Variants in DEUP1 observed in about 807,000 individuals in gnomAD.
DEUP1 encodes deuterosome assembly protein 1.
A neutral mutation model predicts 87.4 loss-of-function variants in DEUP1; 82 were observed. The ratio of observed to expected loss-of-function variants is 0.94; its 90% confidence interval spans 0.78 to 1.13. The LOEUF is 1.13. DEUP1 is among the 50% of genes most tolerant of loss of function. The pLI, the probability that DEUP1 is intolerant of heterozygous loss-of-function variation, is 0.00. For missense variants in DEUP1, 663 were observed against 681.5 expected, an observed-to-expected ratio of 0.97 and a Z score of 0.30; for synonymous variants, 214 against 222.7, an observed-to-expected ratio of 0.96 and a Z score of 0.35.
At chr11:93,382,597 T>C (rs1049575466) in intron 7 of DEUP1, among the ~76,000 whole-genome samples, 5 of 152,162 alleles carry the variant, frequency 3.3e-5, no homozygotes, top group African/African-American at 4.8e-5. Flanking sequence ...ACACTATATT[T>C]TATAGGCCTA....
At chr11:93,409,470 A>G (rs1440629893) in intron 12 of DEUP1, among the ~76,000 whole-genome samples, 2 of 152,218 alleles carry the variant, frequency 1.3e-5, no homozygotes, top group African/African-American at 4.8e-5. Context: ...TATTTTATAC[A>G]ATATTTCTCA....
chr11:93,355,602 A>G lies in DEUP1; in HGVS notation c.201+60A>G, dbSNP rs1329372158. 9.2e-6 allele frequency: 13 copies of G among 1,406,476 alleles called. No individual in the cohort carries two copies. In the East Asian group the frequency reaches 9.7e-5, roughly 11 times the overall value. The allele number at this position is 1,406,476 out of a possible 1,614,324, so 87.1% of individuals were successfully genotyped here. ...ATCAGACTGTTACATATAGTATTCT[A>G]TCAGAATATGTTTTTATTATACATA... On this transcript the variant is annotated intron_variant, in intron 3 of 13. Transcript: ENST00000298050.
At chr11:93,408,822 ACTTT>A (rs1565341270) in intron 12 of DEUP1, among the ~76,000 whole-genome samples, 1 of 151,950 alleles carries the variant, frequency 6.6e-6, no homozygotes, top group African/African-American at 2.4e-5. Flanking sequence ...TAATAGATAC[ACTTT>A]CTTTTTTTGT....
chr11:93,367,190 A>G (rs1432302229), intron 5 of DEUP1, among the ~76,000 whole-genome samples: 3 of 152,150 alleles, frequency 2.0e-5, no homozygotes, highest in Non-Finnish European at 4.4e-5. Context: ...ATATCAGGTC[A>G]CCCACCTTTC....
rs547557221 is a variant in DEUP1, at chr11:93,432,881, T to C, written c.1639-4662T>C. Among the ~76,000 whole-genome samples the C allele has an allele frequency of 3.9e-5, 6 of 152,324 alleles. No individual in the cohort carries two copies. In the East Asian group the frequency reaches 9.7e-4, roughly 25 times the overall value. On this transcript the variant is annotated intron_variant, in intron 13 of 13. Transcript: ENST00000298050. Reference sequence around the variant, plus strand: ...CAATTAGTAAATAATGCAGTTCTCATTGATGATAGTGTCAAGGACATGCTA... The same window carrying C: ...CAATTAGTAAATAATGCAGTTCTCACTGATGATAGTGTCAAGGACATGCTA...
At chr11:93,407,632 T>C (rs1009714966) in intron 11 of DEUP1, among the ~76,000 whole-genome samples, 1 of 152,126 alleles carries the variant, frequency 6.6e-6, no homozygotes, top group Admixed American at 6.6e-5. Context: ...ATTTATTTTG[T>C]TCTTAATACC....
At chr11:93,360,183 C>A (rs1272064173) in intron 4 of DEUP1, among the ~76,000 whole-genome samples, 1 of 152,156 alleles carries the variant, frequency 6.6e-6, no homozygotes, top group Non-Finnish European at 1.5e-5. Flanking sequence ...AGTGGGGAGC[C>A]TGAACTCCCA....
rs1191259220 is a variant in DEUP1 at position 93,396,280 on chromosome 11, A to C, written c.1281A>C (p.Thr427=). The C allele has an allele frequency of 1.3e-6, 2 of 1,587,710 alleles. No homozygotes were observed. The highest frequency in any genetic ancestry group is 2.7e-5 in the African/African-American group (2 of 74,254). The change falls in exon 11 of 14, where the codon ACA becomes ACC. Residue 427 remains threonine (T), a synonymous_variant. Coordinates refer to ENST00000298050, the MANE Select transcript of DEUP1 (RefSeq NM_181645.4). ...MKYKAVRTEN[T]HLKGMMGDLD... ...ATAAAGCTGTCAGAACTGAAAACACACATCTAAAAGGAATGATGGGAGATT... is the reference window on the plus strand; with the variant it reads ...ATAAAGCTGTCAGAACTGAAAACACCCATCTAAAAGGAATGATGGGAGATT...
chr11:93,385,195 G>A (rs916025070), intron 7 of DEUP1, among the ~76,000 whole-genome samples: 1 of 152,052 alleles, frequency 6.6e-6, no homozygotes, highest in African/African-American at 2.4e-5. Context: ...CTCCAGCCTG[G>A]GCAACAGAGT....
At chr11:93,428,148 A>G (rs999376337) in intron 13 of DEUP1, among the ~76,000 whole-genome samples, 8 of 152,194 alleles carry the variant, frequency 5.3e-5, no homozygotes, top group African/African-American at 1.7e-4. Flanking sequence ...ATGCACATGT[A>G]TGTTTATTGC....
At position 93,344,449 on chromosome 11, in the gene DEUP1, C is replaced by T. The variant is rs78677121; in HGVS notation, c.30-10922C>T. 1.4e-4 allele frequency among the ~76,000 whole-genome samples: 21 copies of T among 151,894 alleles called. No individual in the cohort carries two copies. In the East Asian group the frequency reaches 4.1e-3, roughly 29 times the overall value. ...TGAAAACTCATTTTCATAGACTATT[C>T]CATGTTTCATGACATAGTCTCCTGT... On this transcript the variant is annotated intron_variant, in intron 2 of 13. Coordinates refer to ENST00000298050, the MANE Select transcript of DEUP1 (RefSeq NM_181645.4).
rs1345848258 is a variant in DEUP1 at position 93,355,511 on chromosome 11, C to T, written c.170C>T (p.Ala57Val). The change falls in exon 3 of 14, where the codon GCA (alanine) becomes GTA (valine). Residue 57 changes from alanine to valine, a missense_variant. By Grantham distance (64) the Ala-to-Val change is moderately conservative. Transcript: ENST00000298050. Reference protein sequence around the residue: ...LDLRDQELANAQTCLDQKGQE... With the variant: ...LDLRDQELANVQTCLDQKGQE... ...CTTCGGGATCAAGAATTGGCAAATGCACAAACTTGTTTGGATCAGAAAGGT... is the reference window on the plus strand; with the variant it reads ...CTTCGGGATCAAGAATTGGCAAATGTACAAACTTGTTTGGATCAGAAAGGT... 1 of 1,613,740 alleles carries T rather than the reference C, an allele frequency of 6.2e-7. No individual in the cohort carries two copies. Among genetic ancestry groups the T allele is most frequent in the Admixed American group, 1.7e-5 (1 of 59,988 alleles).
intron 13 of DEUP1, among the ~76,000 whole-genome samples, chr11:93,431,113 A>G (rs958461794): frequency 4.7e-5 from 7 of 150,160 alleles, no homozygotes; most frequent in African/African-American, 1.7e-4. Context: ...AAAAAAAAAA[A>G]AAGAAAGAAA....
At chr11:93,404,667 A>G (rs1947216049) in intron 11 of DEUP1, among the ~76,000 whole-genome samples, 1 of 152,100 alleles carries the variant, frequency 6.6e-6, no homozygotes, top group Admixed American at 6.6e-5. Context: ...AGCCAGCCTC[A>G]TCCTAATCTG....
chr11:93,435,826 C>A (rs1948227737), intron 13 of DEUP1, among the ~76,000 whole-genome samples: 1 of 152,044 alleles, frequency 6.6e-6, no homozygotes, highest in Non-Finnish European at 1.5e-5. Flanking sequence ...GAAACCCCGT[C>A]TCTACTAAAA....
intron 7 of DEUP1, among the ~76,000 whole-genome samples, chr11:93,376,187 GC>G (rs1946030982): frequency 6.6e-6 from 1 of 151,988 alleles, no homozygotes; most frequent in African/African-American, 2.4e-5. Flanking sequence ...CAAATGATCT[GC>G]CCGCCTTGGC....
At chr11:93,388,794 T>G (rs375999370) in intron 8 of DEUP1, among the ~76,000 whole-genome samples, 5 of 152,310 alleles carry the variant, frequency 3.3e-5, no homozygotes, top group Admixed American at 2.0e-4. Context: ...TAATTGAAAT[T>G]CCTTATTAAT....
chr11:93,351,030 ATATAT>A (rs1370059167), intron 2 of DEUP1, among the ~76,000 whole-genome samples: 13 of 147,212 alleles, frequency 8.8e-5, no homozygotes, highest in South Asian at 2.1e-4. Context: ...TTTAATAAAC[ATATAT>A]TATATTTTCA....
intron 7 of DEUP1, among the ~76,000 whole-genome samples, chr11:93,382,504 A>G (rs1162074861): frequency 6.6e-6 from 1 of 152,210 alleles, no homozygotes; most frequent in Non-Finnish European, 1.5e-5. Context: ...ACTCTTACAG[A>G]TATTATTTTC....
Sources: allele counts gnomAD v4.1 joint callset (sites outside exome capture counted in the v4.1 genomes callset), GRCh38; gene constraint gnomAD v4.1.1; transcripts MANE v1.5; gene names NCBI Gene and HGNC (gene_info 2026-07-23, HGNC 2026-07-21).